B4GALT2: variants seen among roughly 807,000 people sequenced by gnomAD.
B4GALT2 encodes beta-1,4-galactosyltransferase 2.
In B4GALT2, 18 loss-of-function variants were observed where a neutral mutation model predicts 33.2. The observed-to-expected ratio is 0.54, with a 90% CI of 0.38 to 0.80. B4GALT2 has a LOEUF of 0.80. Among genes scored for constraint, B4GALT2 ranks in the 30% least tolerant of loss-of-function variants. B4GALT2 has a pLI of 0.00. For synonymous variants in B4GALT2, 214 were observed against 217.6 expected (o/e 0.98, Z 0.15); for missense variants, 404 against 526.2 (o/e 0.77, Z 2.27).
rs138683109 is a variant in B4GALT2 at position 43,981,380 on chromosome 1, G to A, written c.220G>A (p.Ala74Thr). Residue 74 changes from alanine to threonine, a missense_variant, in exon 2 of 7, where the codon GCC becomes ACC. Physicochemically the swap from Ala to Thr is moderately conservative, Grantham distance 58 (BLOSUM62 0). Coordinates refer to ENST00000372324, the MANE Select transcript of B4GALT2 (RefSeq NM_003780.5). This position sits in a 1 kb window ranked among gnomAD's most constrained non-coding sequence, Gnocchi z 8.1. ...CAACTGCTCCCGGCCCAACGCCACC[G>A]CCTCTAGCTCCGGGCTCCCTGAGGT... is the stretch of plus-strand genomic sequence containing the variant. ...SSNCSRPNATASSSGLPEVPS... is the reference protein window; with the variant it reads ...SSNCSRPNATTSSSGLPEVPS... 2.1e-5 allele frequency: 34 copies of A among 1,598,774 alleles called. No individual in the cohort carries two copies. The highest frequency in any genetic ancestry group is 3.3e-5 in the Admixed American group (2 of 59,968).
rs1329796415 is a variant in B4GALT2, at chr1:43,979,992, C to T, written c.-53+481C>T. ...GTCTGCACGTGGGTCTGGGTGTGAG[C>T]TGTCTGAGAGTCTGGATGTATGGCT... On this transcript the variant is annotated intron_variant, in intron 1 of 6. Transcript: ENST00000372324. This position sits in a 1 kb window ranked among gnomAD's most constrained non-coding sequence, Gnocchi z 4.8. The T allele has an allele frequency of 6.6e-7, 1 of 1,526,672 alleles. No individual in the cohort carries two copies. Among genetic ancestry groups the T allele is most frequent in the Non-Finnish European group, 8.8e-7 (1 of 1,142,302 alleles). 94.6% of individuals were successfully genotyped at this position (1,526,672 alleles called of 1,614,324 possible).
rs2085571245 is a variant in B4GALT2, at chr1:43,979,628, G to C, written c.-53+117G>C. 5.8e-6 allele frequency: 1 copy of C among 171,732 alleles called. No individual in the cohort carries two copies. Among genetic ancestry groups the C allele is most frequent in the Non-Finnish European group, 1.2e-5 (1 of 80,798 alleles). 10.6% of individuals were successfully genotyped at this position (171,732 alleles called of 1,614,324 possible). On this transcript the variant is annotated intron_variant, in intron 1 of 6. Coordinates refer to ENST00000372324, the MANE Select transcript of B4GALT2 (RefSeq NM_003780.5). The surrounding 1 kb of genome is among the most constrained non-coding windows in gnomAD (Gnocchi z 4.8). Reference sequence around the variant, plus strand: ...CAACCCAGGAGCCGGTGAGAGAGGCGCCGGCGGCCAGACCCCGGCCTGGCT... The same window carrying C: ...CAACCCAGGAGCCGGTGAGAGAGGCCCCGGCGGCCAGACCCCGGCCTGGCT...
At chr1:43,985,678 C>A in intron 6 of B4GALT2, 57 bp downstream of exon 6, 1 of 1,543,470 alleles carries the variant, frequency 6.5e-7, no homozygotes. Context: ...ATATCCCCAA[C>A]TCTTGACCCC....
chr1:43,985,095 C>T (rs1227481806), intron 4 of B4GALT2, 40 bp downstream of exon 4: 5 of 1,603,712 alleles, frequency 3.1e-6, no homozygotes, highest in Non-Finnish European at 3.4e-6. Flanking sequence ...CCCTCCTGCC[C>T]CCACCAGACG....
intron 6 of B4GALT2, among the ~76,000 whole-genome samples, chr1:43,987,177 G>A (rs1158635918): frequency 2.0e-5 from 3 of 152,204 alleles, no homozygotes; most frequent in Non-Finnish European, 4.4e-5. Context: ...AGGAGCCTTG[G>A]TCCTGTTTCA....
Position 43,982,717 on chromosome 1 carries a change from A to T in B4GALT2, c.549+793A>T, listed in dbSNP as rs1176291163. 6.6e-6 allele frequency among the ~76,000 whole-genome samples: 1 copy of T among 152,210 alleles called. No homozygotes were observed. Among genetic ancestry groups the T allele is most frequent in the Non-Finnish European group, 1.5e-5 (1 of 68,030 alleles). On this transcript the variant is annotated intron_variant, in intron 3 of 6. Coordinates refer to ENST00000372324, the MANE Select transcript of B4GALT2 (RefSeq NM_003780.5). This position sits in a 1 kb window ranked among gnomAD's most constrained non-coding sequence, Gnocchi z 4.3. Reference sequence around the variant, plus strand: ...TGGAGGAGTTGGAAGTCAAACTGAGAAATGTCTTGGGAGGCATGCTGGCAG... The same window carrying T: ...TGGAGGAGTTGGAAGTCAAACTGAGTAATGTCTTGGGAGGCATGCTGGCAG...
In B4GALT2 at chr1:43,990,770, C is replaced by T; in HGVS notation, c.*322C>T. On this transcript the variant is annotated 3_prime_UTR_variant, in exon 7 of 7. Transcript: ENST00000372324. ...CAGAGTGGCCTGGGCTAGGTCACTC[C>T]ACCTCTCTGTGCCTCAGTTTCCCCC... 2.8e-6 allele frequency: 1 copy of T among 355,356 alleles called. No homozygotes were observed. Among genetic ancestry groups the T allele is most frequent in the East Asian group, 5.5e-5 (1 of 18,064 alleles). The allele number at this position is 355,356 out of a possible 1,614,324, so 22.0% of individuals were successfully genotyped here. A position where few individuals can be genotyped will look rare whatever the true frequency, so the allele number is the denominator to read the frequency against.
In B4GALT2 at chr1:43,990,355, G is replaced by A. The variant is rs140591697; in HGVS notation, c.1026G>A (p.Val342=). The A allele has an allele frequency of 8.1e-6, 13 of 1,614,208 alleles. No individual in the cohort carries two copies. The African/African-American group carries it at 1.5e-4, about 18-fold the overall frequency. ...TGAAGCGGGACGGCATTGGGTCAGTGCGGTACCAGGTCTTGGAGGTGTCTC... is the reference window on the plus strand; with the variant it reads ...TGAAGCGGGACGGCATTGGGTCAGTACGGTACCAGGTCTTGGAGGTGTCTC... ...LTMKRDGIGS[V]RYQVLEVSRQ... The change falls in exon 7 of 7, where the codon GTG becomes GTA. Residue 342 remains valine (V), a synonymous_variant. Transcript: ENST00000372324.
chr1:43,981,528 C>T lies in B4GALT2; in HGVS notation c.313+55C>T. The T allele has an allele frequency of 6.6e-7, 1 of 1,525,514 alleles. No homozygotes were observed. Among genetic ancestry groups the T allele is most frequent in the Non-Finnish European group, 8.8e-7 (1 of 1,137,516 alleles). The allele number at this position is 1,525,514 out of a possible 1,614,324, so 94.5% of individuals were successfully genotyped here. ...GGGAAACAGGGTTTTATTGGTTTGA[C>T]TAGAGAAATGGCATCTGGACCCAGG... On this transcript the variant is annotated intron_variant, in intron 2 of 6. Transcript: ENST00000372324. This position sits in a 1 kb window ranked among gnomAD's most constrained non-coding sequence, Gnocchi z 8.1.
rs536172060 is a variant in B4GALT2, at chr1:43,981,192, G to A, written c.32G>A (p.Arg11His). 7 of 1,601,206 alleles carry A rather than the reference G, an allele frequency of 4.4e-6. No individual in the cohort carries two copies. The African/African-American group carries it at 5.3e-5, about 12-fold the overall frequency. The change falls in exon 2 of 7, where the codon CGC becomes CAC. Residue 11 changes from arginine to histidine, a missense_variant. Physicochemically the swap from Arg to His is conservative, Grantham distance 29 (BLOSUM62 0). Transcript: ENST00000372324. This position sits in a 1 kb window ranked among gnomAD's most constrained non-coding sequence, Gnocchi z 8.1. Reference protein sequence around the residue: MSRLLGGTLERVCKAVLLLCL... With the variant: MSRLLGGTLEHVCKAVLLLCL... ...AGACTGCTGGGGGGGACGCTGGAGCGCGTCTGCAAGGCTGTGCTCCTTCTC... is the reference window on the plus strand; with the variant it reads ...AGACTGCTGGGGGGGACGCTGGAGCACGTCTGCAAGGCTGTGCTCCTTCTC...
chr1:43,985,447 GGGGTGCAGACT>G, intron 5 of B4GALT2, 47 bp downstream of exon 5: 6 of 860,464 alleles, frequency 7.0e-6, no homozygotes, highest in Non-Finnish European at 9.1e-6. Flanking sequence ...GGGGGGAGGG[GGGGTGCAGACT>G]GGGTGGGGTT....
At chr1:43,989,586 T>C (rs528116702) in intron 6 of B4GALT2, among the ~76,000 whole-genome samples, 2 of 152,344 alleles carry the variant, frequency 1.3e-5, no homozygotes, top group Non-Finnish European at 2.9e-5. Flanking sequence ...ATGCATGTTA[T>C]ATACCATCCA....
At position 43,981,851 on chromosome 1, in the gene B4GALT2, G is replaced by A. The variant is rs2085601706; in HGVS notation, c.476G>A (p.Arg159His). ...IPFRHREHHL[R>H]YWLHYLHPIL... is the part of the protein sequence containing the mutation. ...TTTAGACACCGGGAACACCACCTGCGCTACTGGCTCCACTATCTACACCCC... is the reference window on the plus strand; with the variant it reads ...TTTAGACACCGGGAACACCACCTGCACTACTGGCTCCACTATCTACACCCC... Residue 159 changes from arginine (R) to histidine (H), a missense_variant, in exon 3 of 7, where the codon CGC (arginine) becomes CAC (histidine). Transcript: ENST00000372324. The surrounding 1 kb of genome is among the most constrained non-coding windows in gnomAD (Gnocchi z 8.1). 6.2e-7 allele frequency: 1 copy of A among 1,613,518 alleles called. No homozygotes were observed. The highest frequency in any genetic ancestry group is 1.1e-5 in the South Asian group (1 of 91,048).
At chr1:43,983,810 G>A (rs2486004) in intron 3 of B4GALT2, among the ~76,000 whole-genome samples, 1 of 152,148 alleles carries the variant, frequency 6.6e-6, no homozygotes, top group Admixed American at 6.5e-5. Flanking sequence ...GTCTCTCCAA[G>A]GGCTGGGGGA....
rs759756464 is a variant in B4GALT2 at position 43,985,551 on chromosome 1, G to C, written c.898G>C (p.Asp300His). 3 of 1,613,438 alleles carry C rather than the reference G, an allele frequency of 1.9e-6. No individual in the cohort carries two copies. Among genetic ancestry groups the C allele is most frequent in the Admixed American group, 1.7e-5 (1 of 59,902 alleles). Residue 300 changes from aspartate (D) to histidine (H), a missense_variant, in exon 6 of 7, where the codon GAC becomes CAC. Physicochemically the swap from Asp to His is moderately conservative, Grantham distance 81. Coordinates refer to ENST00000372324, the MANE Select transcript of B4GALT2 (RefSeq NM_003780.5). ...SLTGMKISRP[D>H]IRIGRYRMIK... ...GACTGGGATGAAGATCTCACGCCCA[G>C]ACATCCGAATCGGCCGCTACCGCAT...
At position 43,990,634 on chromosome 1, in the gene B4GALT2, G is replaced by A; in HGVS notation, c.*186G>A. 1.3e-6 allele frequency: 1 copy of A among 792,094 alleles called. No homozygotes were observed. The highest frequency in any genetic ancestry group is 2.0e-6 in the Non-Finnish European group (1 of 511,520). The allele number at this position is 792,094 out of a possible 1,614,324, so 49.1% of individuals were successfully genotyped here. A position where few individuals can be genotyped will look rare whatever the true frequency, so the allele number is the denominator to read the frequency against. The stretch of plus-strand genomic sequence containing the variant: ...CCCACTTTGGGGGGCCTCCTGCCTG[G>A]GCAGGCTCTTCAAGTGTGGCCCTCT... On this transcript the variant is annotated 3_prime_UTR_variant, in exon 7 of 7. Coordinates refer to ENST00000372324, the MANE Select transcript of B4GALT2 (RefSeq NM_003780.5).
chr1:43,982,268 T>G lies in B4GALT2; in HGVS notation c.549+344T>G, dbSNP rs1243750542. Among the ~76,000 whole-genome samples the G allele has an allele frequency of 2.6e-5, 4 of 151,940 alleles. No individual in the cohort carries two copies. The East Asian group carries it at 7.8e-4, about 30-fold the overall frequency. ...AGAAGGATGAAGCCTGTAGAACCCT[T>G]TGGGGTAGGTGCCAGCCACAGCTGA... On this transcript the variant is annotated intron_variant, in intron 3 of 6. Coordinates refer to ENST00000372324, the MANE Select transcript of B4GALT2 (RefSeq NM_003780.5). This position sits in a 1 kb window ranked among gnomAD's most constrained non-coding sequence, Gnocchi z 4.3.
chr1:43,985,666 C>T, intron 6 of B4GALT2, 45 bp downstream of exon 6: 1 of 1,571,234 alleles, frequency 6.4e-7, no homozygotes, highest in Admixed American at 1.7e-5. Flanking sequence ...GGCAACTTCC[C>T]AATATCCCCA....
rs746681353 is a variant in B4GALT2, at chr1:43,981,733, C to T, written c.358C>T (p.Arg120Trp). ...IEFTSPMPLE[R>W]VQRENPGVLM... ...GTTCACCTCACCCATGCCCCTGGAG[C>T]GGGTGCAGAGGGAGAACCCAGGCGT... is the stretch of plus-strand genomic sequence containing the variant. Residue 120 changes from arginine to tryptophan, a missense_variant, in exon 3 of 7, where the codon CGG (arginine) becomes TGG (tryptophan). Arg to Trp is a moderately radical substitution (Grantham distance 101). Coordinates refer to ENST00000372324, the MANE Select transcript of B4GALT2 (RefSeq NM_003780.5). The surrounding 1 kb of genome is among the most constrained non-coding windows in gnomAD (Gnocchi z 8.1). 2.0e-5 allele frequency: 32 copies of T among 1,613,096 alleles called. No homozygotes were observed. The Middle Eastern group carries it at 4.9e-4, about 25-fold the overall frequency.
Sources: gnomAD v4.1 joint callset for allele counts (sites outside exome capture counted in the v4.1 genomes callset) on GRCh38, gnomAD v4.1.1 for gene constraint, Gnocchi (gnomAD v3.1) non-coding constraint, MANE v1.5 for transcripts, NCBI Gene and HGNC (gene_info 2026-07-23, HGNC 2026-07-21) for gene names.